Variants in PTPRD observed in about 807,000 individuals in gnomAD.
PTPRD encodes protein tyrosine phosphatase receptor type D.
PTPRD carries 34 observed loss-of-function variants against 214.5 expected under a neutral mutation model. The observed-to-expected ratio is 0.16, with a 90% CI of 0.12 to 0.21. The LOEUF is 0.21. PTPRD is among the 10% of genes least tolerant of loss of function. The probability of loss-of-function intolerance (pLI) is 1.00; values close to 1 mark genes in which losing one functional copy is unlikely to be tolerated. For missense variants in PTPRD, 2,545 were observed against 2,398.7 expected (o/e 1.06, Z -1.27); for synonymous variants, 1,128 against 845.7 (o/e 1.33, Z -5.79).
chr9:10,543,473 T>TAC (rs1462198412), intron 2 of PTPRD, among the ~76,000 whole-genome samples: 69 of 54,406 alleles, frequency 1.3e-3, no homozygotes, highest in African/African-American at 3.2e-3. Flanking sequence ...GTTTAATATA[T>TAC]ATATATACAC....
chr9:9,362,035 A>C (rs2056353737), intron 9 of PTPRD, among the ~76,000 whole-genome samples: 1 of 151,094 alleles, frequency 6.6e-6, no homozygotes, highest in South Asian at 2.1e-4. Context: ...TTAGTGGAAA[A>C]CATGGCACTT....
At chr9:9,091,101 T>A in intron 10 of PTPRD, 1 of 1,401,486 alleles carries the variant, frequency 7.1e-7, no homozygotes. Context: ...CCAAGCTGTA[T>A]GTGAAGCTAC....
intron 7 of PTPRD, among the ~76,000 whole-genome samples, chr9:9,714,163 CT>C (rs1396687846): frequency 6.6e-6 from 1 of 150,744 alleles, no homozygotes; most frequent in East Asian, 2.0e-4. Context: ...GTATTTAAAG[CT>C]GAAATGAAGT....
chr9:10,287,181 C>T (rs1053450764), intron 3 of PTPRD, among the ~76,000 whole-genome samples: 1 of 152,110 alleles, frequency 6.6e-6, no homozygotes, highest in Non-Finnish European at 1.5e-5. Context: ...CACTTTTGGA[C>T]CAAAGGTAAA....
chr9:8,602,762 AAATG>A (rs1195436398), intron 14 of PTPRD, among the ~76,000 whole-genome samples: 3 of 152,216 alleles, frequency 2.0e-5, no homozygotes, highest in African/African-American at 4.8e-5. Flanking sequence ...TTACATAAAT[AAATG>A]AATATGGATG....
rs889675929 is a variant in PTPRD at position 10,450,207 on chromosome 9, C to T, written c.-599-109190G>A. 1.5e-4 allele frequency among the ~76,000 whole-genome samples: 22 copies of T among 151,366 alleles called. 1 individual carries two copies. Among genetic ancestry groups the T allele is most frequent in the African/African-American group, 5.4e-4 (22 of 40,924 alleles). ...TTGTCCTATGACCCTGGCAAATCCC[C>T]CTCTCCAAGAAACACCCAAGAATGA... On this transcript the variant is annotated intron_variant, in intron 2 of 45. Coordinates refer to ENST00000381196, the MANE Select transcript of PTPRD (RefSeq NM_002839.4).
chr9:8,868,819 C>A (rs1424154830), intron 11 of PTPRD, among the ~76,000 whole-genome samples: 1 of 152,102 alleles, frequency 6.6e-6, no homozygotes. Context: ...GCCCATTCAT[C>A]CCGCTGCTCA....
At chr9:8,454,059 CTAT>C (rs2096076312) in intron 33 of PTPRD, among the ~76,000 whole-genome samples, 1 of 152,082 alleles carries the variant, frequency 6.6e-6, no homozygotes, top group African/African-American at 2.4e-5. Flanking sequence ...TGTATTTTAG[CTAT>C]TATTATTGCT....
At chr9:8,757,655 CATATATATATACATACATATATATATAT>C (rs2094116531) in intron 11 of PTPRD, among the ~76,000 whole-genome samples, 8 of 138,202 alleles carry the variant, frequency 5.8e-5, no homozygotes, top group African/African-American at 2.4e-4. Flanking sequence ...TACATATATA[CATATATATATACATACATATATATATAT>C]ACATAAAAAC....
At chr9:9,434,855 T>C (rs2084593564) in intron 8 of PTPRD, among the ~76,000 whole-genome samples, 1 of 148,498 alleles carries the variant, frequency 6.7e-6, no homozygotes, top group South Asian at 2.1e-4. Flanking sequence ...TATAGTATAA[T>C]ATATAATCTA....
intron 5 of PTPRD, among the ~76,000 whole-genome samples, chr9:9,818,998 C>G (rs1233465838): frequency 6.6e-6 from 1 of 150,396 alleles, no homozygotes; most frequent in African/African-American, 2.4e-5. Flanking sequence ...TTATCATTTT[C>G]TCATTTAAAT....
chr9:9,446,284 T>G lies in PTPRD; in HGVS notation c.-236-48802A>C, dbSNP rs370904782. On this transcript the variant is annotated intron_variant, in intron 8 of 45. Coordinates refer to ENST00000381196, the MANE Select transcript of PTPRD (RefSeq NM_002839.4). ...GAACTTATACATCTGTCCTCCCAAG[T>G]GTTGAGGATTTAATAGTGGCCTAAA... Among the ~76,000 whole-genome samples, 12 of 152,260 alleles carry G rather than the reference T, an allele frequency of 7.9e-5. 1 individual carries two copies. In the East Asian group the frequency reaches 1.4e-3, roughly 17 times the overall value.
At chr9:9,458,189 C>T (rs1006193862) in intron 8 of PTPRD, among the ~76,000 whole-genome samples, 28 of 151,686 alleles carry the variant, frequency 1.8e-4, no homozygotes, top group African/African-American at 4.6e-4. Flanking sequence ...AATCTAGGTA[C>T]GATTAGTGGT....
At chr9:9,369,679 C>G (rs1317432829) in intron 9 of PTPRD, among the ~76,000 whole-genome samples, 1 of 152,142 alleles carries the variant, frequency 6.6e-6, no homozygotes, top group East Asian at 1.9e-4. Flanking sequence ...ACATGAAGTC[C>G]TTGCCCATGC....
chr9:8,415,147 C>A (rs908924578), intron 35 of PTPRD, among the ~76,000 whole-genome samples: 1 of 152,146 alleles, frequency 6.6e-6, no homozygotes, highest in Admixed American at 6.6e-5. Flanking sequence ...GAGAAGGTAG[C>A]TGACCTTACC....
chr9:9,301,363 T>G (rs150586417), intron 9 of PTPRD, among the ~76,000 whole-genome samples: 2 of 151,938 alleles, frequency 1.3e-5, no homozygotes, highest in African/African-American at 2.4e-5. Context: ...ACCTGTAGCA[T>G]TAGGATAGTG....
chr9:10,360,780 A>C (rs947580186), intron 2 of PTPRD, among the ~76,000 whole-genome samples: 3 of 152,188 alleles, frequency 2.0e-5, no homozygotes, highest in African/African-American at 7.2e-5. Flanking sequence ...TTAACTGATA[A>C]AAGCAATCTC....
At chr9:10,098,417 A>G (rs144180352) in intron 3 of PTPRD, among the ~76,000 whole-genome samples, 182 of 151,812 alleles carry the variant, frequency 1.2e-3, no homozygotes, top group African/African-American at 4.2e-3. Context: ...TGTGTGCAGC[A>G]CACCAACATG....
At chr9:8,876,558 T>C (rs2098392836) in intron 11 of PTPRD, among the ~76,000 whole-genome samples, 1 of 152,166 alleles carries the variant, frequency 6.6e-6, no homozygotes, top group Non-Finnish European at 1.5e-5. Context: ...GCTTCGTCAT[T>C]TCCTGGTTAA....
Sources: gnomAD v4.1 joint callset for allele counts (sites outside exome capture counted in the v4.1 genomes callset) on GRCh38, gnomAD v4.1.1 for gene constraint, MANE v1.5 for transcripts, NCBI Gene and HGNC (gene_info 2026-07-23, HGNC 2026-07-21) for gene names.